NTRK3: variants seen among roughly 807,000 people sequenced by gnomAD.
NTRK3 encodes NT-3 growth factor receptor.
A neutral mutation model predicts 91.7 loss-of-function variants in NTRK3; 24 were observed. The observed-to-expected ratio is 0.26, with a 90% CI of 0.19 to 0.37. The LOEUF is 0.37. Among genes scored for constraint, NTRK3 ranks in the 10% least tolerant of loss-of-function variants. The pLI, the probability that NTRK3 is intolerant of heterozygous loss-of-function variation, is 1.00. For synonymous variants in NTRK3, 483 were observed against 404.0 expected (o/e 1.20, Z -2.34); for missense variants, 880 against 1,068.9 (o/e 0.82, Z 2.46).
chr15:88,107,330 C>G (rs185479800), intron 13 of NTRK3, among the ~76,000 whole-genome samples: 39 of 152,228 alleles, frequency 2.6e-4, no homozygotes, highest in Middle Eastern at 3.4e-3. Flanking sequence ...GTAGTCCCAG[C>G]TACTCAGGAG....
chr15:88,110,297 A>C (rs3784414), intron 13 of NTRK3, among the ~76,000 whole-genome samples: 91,855 of 152,022 alleles, frequency 0.6, 28,833 homozygotes, highest in African/African-American at 0.78. Context: ...GGCAGGTCAG[A>C]CCTAGCGTCT....
At chr15:87,950,683 C>T (rs2071024121) in intron 14 of NTRK3, among the ~76,000 whole-genome samples, 1 of 152,160 alleles carries the variant, frequency 6.6e-6, no homozygotes, top group South Asian at 2.1e-4. Context: ...CATTGACTTG[C>T]CATGAGGATT....
At chr15:88,000,149 A>G (rs888004524) in intron 14 of NTRK3, among the ~76,000 whole-genome samples, 2 of 152,216 alleles carry the variant, frequency 1.3e-5, no homozygotes, top group African/African-American at 4.8e-5. Context: ...CTGAGGATTT[A>G]GACACAGGTA....
intron 5 of NTRK3, among the ~76,000 whole-genome samples, chr15:88,149,944 G>A (rs74027772): frequency 0.019 from 2,930 of 152,314 alleles, 87 homozygotes; most frequent in African/African-American, 0.064. Flanking sequence ...GGCAGCAAAA[G>A]CTGGACAAGC....
chr15:88,182,395 G>A (rs2046557765), intron 5 of NTRK3, among the ~76,000 whole-genome samples: 1 of 152,062 alleles, frequency 6.6e-6, no homozygotes, highest in Non-Finnish European at 1.5e-5. Flanking sequence ...AGCTCCCCTG[G>A]ATGTTCTGCC....
chr15:87,942,507 A>C (rs2069982159), intron 14 of NTRK3, among the ~76,000 whole-genome samples: 1 of 152,284 alleles, frequency 6.6e-6, no homozygotes, highest in African/African-American at 2.4e-5. Context: ...AATCATTCCC[A>C]GGTGACTAGG....
chr15:88,055,393 T>C (rs2045590458), intron 13 of NTRK3, among the ~76,000 whole-genome samples: 1 of 152,206 alleles, frequency 6.6e-6, no homozygotes, highest in South Asian at 2.1e-4. Context: ...TGGACTGGAC[T>C]CAAACTCAGA....
At chr15:88,123,033 G>T (rs934581212) in intron 13 of NTRK3, among the ~76,000 whole-genome samples, 13 of 152,252 alleles carry the variant, frequency 8.5e-5, no homozygotes, top group African/African-American at 3.1e-4. Context: ...TATAATAAAG[G>T]CATTTTACTA....
At chr15:87,902,655 C>T (rs1238180368) in intron 17 of NTRK3, among the ~76,000 whole-genome samples, 2 of 151,888 alleles carry the variant, frequency 1.3e-5, no homozygotes, top group Admixed American at 1.3e-4. Flanking sequence ...ACCTGGAAAA[C>T]AAAAATTTTA....
intron 13 of NTRK3, among the ~76,000 whole-genome samples, chr15:88,063,352 G>A (rs1231780890): frequency 6.6e-6 from 1 of 152,330 alleles, no homozygotes; most frequent in South Asian, 2.1e-4. Flanking sequence ...AAACTGTCCT[G>A]TTCTCTCAAG....
At chr15:88,127,850 G>A (rs930483454) in intron 11 of NTRK3, among the ~76,000 whole-genome samples, 2 of 152,156 alleles carry the variant, frequency 1.3e-5, no homozygotes, top group Non-Finnish European at 2.9e-5. Flanking sequence ...AGCAAGGCCA[G>A]GATGGGAAGC....
chr15:88,063,149 A>G (rs893897994), intron 13 of NTRK3, among the ~76,000 whole-genome samples: 32 of 152,242 alleles, frequency 2.1e-4, no homozygotes, highest in African/African-American at 7.7e-4. Context: ...TTTGCTGTGA[A>G]GATTAATTCA....
At chr15:88,188,326 C>A (rs1057379540) in intron 3 of NTRK3, among the ~76,000 whole-genome samples, 1 of 152,188 alleles carries the variant, frequency 6.6e-6, no homozygotes, top group Non-Finnish European at 1.5e-5. Flanking sequence ...CAAAGGGAGG[C>A]GATTTTGCCC....
At chr15:87,987,890 T>C (rs992350621) in intron 14 of NTRK3, among the ~76,000 whole-genome samples, 1 of 151,360 alleles carries the variant, frequency 6.6e-6, no homozygotes, top group Admixed American at 6.6e-5. Context: ...ATAATAATAA[T>C]AATAATAATA....
intron 3 of NTRK3, among the ~76,000 whole-genome samples, chr15:88,244,091 G>A (rs537000185): frequency 6.6e-6 from 1 of 152,100 alleles, no homozygotes; most frequent in South Asian, 2.1e-4. Flanking sequence ...GGGTGTCACT[G>A]CTGCCCCCCC....
rs578044539 is a variant in NTRK3, at chr15:87,964,207, G to T, written c.1586-23454C>A. Reference sequence around the variant, plus strand: ...TTCATAAGGACACTCAATAACAGAGGTTACTTATCTGGTAATGGTAGCGGT... The same window carrying T: ...TTCATAAGGACACTCAATAACAGAGTTTACTTATCTGGTAATGGTAGCGGT... On this transcript the variant is annotated intron_variant, in intron 14 of 18. Transcript: ENST00000394480. 2.1e-4 allele frequency among the ~76,000 whole-genome samples: 32 copies of T among 152,196 alleles called. No individual in the cohort carries two copies. In the South Asian group the frequency reaches 6.2e-3, roughly 30 times the overall value.
chr15:87,966,078 AC>A (rs574467051), intron 14 of NTRK3, among the ~76,000 whole-genome samples: 1,058 of 95,560 alleles, frequency 0.011, 12 homozygotes, highest in African/African-American at 0.046. Context: ...ACTGTCTCAA[AC>A]AAACAAACAA....
chr15:87,885,414 T>A (rs1469616483), intron 17 of NTRK3, among the ~76,000 whole-genome samples: 1 of 151,804 alleles, frequency 6.6e-6, no homozygotes, highest in Non-Finnish European at 1.5e-5. Flanking sequence ...AACCCAAAAT[T>A]GATCTAAAGT....
intron 5 of NTRK3, among the ~76,000 whole-genome samples, chr15:88,172,130 G>A (rs1027299173): frequency 9.9e-5 from 15 of 152,172 alleles, no homozygotes; most frequent in African/African-American, 3.6e-4. Flanking sequence ...CACCCAGAAA[G>A]GGCAGAGGCC....
Sources: gnomAD v4.1 joint callset for allele counts (sites outside exome capture counted in the v4.1 genomes callset) on GRCh38, gnomAD v4.1.1 for gene constraint, MANE v1.5 for transcripts, NCBI Gene and HGNC (gene_info 2026-07-23, HGNC 2026-07-21) for gene names.